Variants in LRRC4C observed in about 807,000 individuals in gnomAD.
LRRC4C encodes the protein leucine rich repeat containing 4C.
LRRC4C carries 5 observed loss-of-function variants against 33.6 expected under a neutral mutation model. The ratio of observed to expected loss-of-function variants is 0.15; its 90% CI spans 0.08 to 0.31. LRRC4C has a LOEUF of 0.31. LRRC4C is among the 10% of genes least tolerant of loss of function. LRRC4C has a pLI of 1.00. For missense variants in LRRC4C, 560 were observed against 796.7 expected, an observed-to-expected ratio of 0.70 and a Z score of 3.58; for synonymous variants, 329 against 302.0, an observed-to-expected ratio of 1.09 and a Z score of -0.93.
chr11:40,707,891 CT>C (rs1946250170), intron 2 of LRRC4C, among the ~76,000 whole-genome samples: 1 of 152,050 alleles, frequency 6.6e-6, no homozygotes, highest in Non-Finnish European at 1.5e-5. Context: ...ATTTCAGAGC[CT>C]GTTATTGGTC....
rs1590777079 is a variant in LRRC4C, at chr11:40,450,413, T to C, written c.-269-130692A>G. 3.3e-5 allele frequency among the ~76,000 whole-genome samples: 5 copies of C among 152,276 alleles called. No individual in the cohort carries two copies. The South Asian group carries it at 1.0e-3, about 32-fold the overall frequency. On this transcript the variant is annotated intron_variant, in intron 3 of 6. Coordinates refer to ENST00000528697, the MANE Select transcript of LRRC4C (RefSeq NM_001258419.2). ...GTGATATGTGTGGATTTCTATATTATAGCTCATAGGTAAAAATATTTATTA... is the reference window on the plus strand; with the variant it reads ...GTGATATGTGTGGATTTCTATATTACAGCTCATAGGTAAAAATATTTATTA...
chr11:40,634,152 AGACT>A (rs1963749801), intron 3 of LRRC4C, among the ~76,000 whole-genome samples: 1 of 152,362 alleles, frequency 6.6e-6, no homozygotes, highest in African/African-American at 2.4e-5. Context: ...TCAGCATAAA[AGACT>A]GACTAATAAA....
chr11:41,129,636 AATC>A (rs1942921191), intron 1 of LRRC4C, among the ~76,000 whole-genome samples: 1 of 151,908 alleles, frequency 6.6e-6, no homozygotes, highest in Non-Finnish European at 1.5e-5. Context: ...CCATTAATAA[AATC>A]ACCTTTTCAA....
At chr11:41,063,150 T>C (rs1301140618) in intron 1 of LRRC4C, among the ~76,000 whole-genome samples, 1 of 152,230 alleles carries the variant, frequency 6.6e-6, no homozygotes, top group Non-Finnish European at 1.5e-5. Context: ...AAACAGCATC[T>C]GTACTGTGTG....
chr11:41,111,680 T>G (rs1168100189), intron 1 of LRRC4C, among the ~76,000 whole-genome samples: 1 of 151,916 alleles, frequency 6.6e-6, no homozygotes, highest in Non-Finnish European at 1.5e-5. Context: ...TCTGCTGTGG[T>G]TGGAACGTAG....
At chr11:41,191,169 G>A (rs1240835186) in intron 1 of LRRC4C, among the ~76,000 whole-genome samples, 1 of 152,138 alleles carries the variant, frequency 6.6e-6, no homozygotes, top group Non-Finnish European at 1.5e-5. Context: ...GTCCCATGCA[G>A]TCCCATTGTT....
At chr11:40,317,950 C>A (rs1565266942) in intron 4 of LRRC4C, among the ~76,000 whole-genome samples, 1 of 152,026 alleles carries the variant, frequency 6.6e-6, no homozygotes, top group Non-Finnish European at 1.5e-5. Context: ...AGGATCAGAA[C>A]CTTTATACAT....
At chr11:40,613,906 G>A (rs1961492129) in intron 3 of LRRC4C, among the ~76,000 whole-genome samples, 1 of 151,776 alleles carries the variant, frequency 6.6e-6, no homozygotes, top group Non-Finnish European at 1.5e-5. Flanking sequence ...TGATCAGTAG[G>A]TCTCAACAGT....
chr11:40,319,003 G>T (rs1051583987), intron 4 of LRRC4C, among the ~76,000 whole-genome samples: 10 of 152,210 alleles, frequency 6.6e-5, no homozygotes, highest in African/African-American at 2.4e-4. Context: ...AATTATCTTC[G>T]TGTGCTGTTA....
intron 3 of LRRC4C, among the ~76,000 whole-genome samples, chr11:40,628,335 G>A (rs967619065): frequency 4.6e-5 from 7 of 152,092 alleles, no homozygotes; most frequent in Admixed American, 1.3e-4. Flanking sequence ...AAAATTAGCC[G>A]GGCGTGGTGG....
chr11:41,109,732 A>G (rs1425922756), intron 1 of LRRC4C, among the ~76,000 whole-genome samples: 1 of 152,080 alleles, frequency 6.6e-6, no homozygotes, highest in African/African-American at 2.4e-5. Flanking sequence ...ATTTTGTGAA[A>G]GGAATCAGAC....
chr11:40,898,366 A>AAAAAAAAAAAAAAAAAAAAG (rs1554991246), intron 2 of LRRC4C, among the ~76,000 whole-genome samples: 2 of 117,370 alleles, frequency 1.7e-5, no homozygotes, highest in Admixed American at 1.1e-4. Flanking sequence ...AAAAAAAAAA[A>AAAAAAAAAAAAAAAAAAAAG]AAAAAAGAAA....
intron 2 of LRRC4C, among the ~76,000 whole-genome samples, chr11:40,828,858 T>A (rs1479662362): frequency 6.6e-6 from 1 of 151,938 alleles, no homozygotes; most frequent in East Asian, 1.9e-4. Context: ...CAGTCAGTCA[T>A]CAAAACTACC....
At chr11:40,497,889 C>A (rs549595962) in intron 3 of LRRC4C, among the ~76,000 whole-genome samples, 8 of 152,236 alleles carry the variant, frequency 5.3e-5, no homozygotes, top group South Asian at 2.1e-4. Context: ...CTGAATACAA[C>A]CCCTAAAAAA....
chr11:40,789,275 A>G (rs555222812), intron 2 of LRRC4C, among the ~76,000 whole-genome samples: 1 of 152,186 alleles, frequency 6.6e-6, no homozygotes. Context: ...TGTTATTATA[A>G]GTATAGTGTT....
intron 6 of LRRC4C, among the ~76,000 whole-genome samples, chr11:40,131,962 G>C (rs1856674238): frequency 6.6e-6 from 1 of 152,122 alleles, no homozygotes; most frequent in African/African-American, 2.4e-5. Context: ...TTCCTAAGAA[G>C]TTTATTAATG....
At chr11:40,823,542 T>C (rs1198562284) in intron 2 of LRRC4C, among the ~76,000 whole-genome samples, 1 of 151,764 alleles carries the variant, frequency 6.6e-6, no homozygotes, top group Admixed American at 6.6e-5. Context: ...ACCAAATATT[T>C]TGAATAGACA....
chr11:41,240,058 A>AT (rs1209508552), intron 1 of LRRC4C, among the ~76,000 whole-genome samples: 1 of 152,208 alleles, frequency 6.6e-6, no homozygotes, highest in African/African-American at 2.4e-5. Context: ...CAGGTCTCTT[A>AT]TTTTATAAAA....
At chr11:41,422,482 T>C (rs896945178) in intron 1 of LRRC4C, among the ~76,000 whole-genome samples, 6 of 152,086 alleles carry the variant, frequency 3.9e-5, no homozygotes, top group Non-Finnish European at 7.4e-5. Context: ...TTACTGCCAC[T>C]ATTTTGCAGT....
Sources: gnomAD v4.1 joint callset for allele counts (sites outside exome capture counted in the v4.1 genomes callset) on GRCh38, gnomAD v4.1.1 for gene constraint, MANE v1.5 for transcripts, NCBI Gene and HGNC (gene_info 2026-07-23, HGNC 2026-07-21) for gene names.